GABRB3: variants seen among roughly 807,000 people sequenced by gnomAD.
GABRB3 encodes the protein gamma-aminobutyric acid type A receptor subunit beta3, also known as gamma-aminobutyric acid receptor subunit beta-3.
Under a neutral mutation model 52.1 loss-of-function variants are expected in GABRB3, and 14 were observed. That is an observed-to-expected ratio of 0.27 (90% CI 0.18 to 0.42). The LOEUF (loss-of-function observed/expected upper bound fraction) is 0.42, where lower values mean the gene tolerates loss of function less well. Ranked by LOEUF, GABRB3 falls within the 10% of genes least tolerant of loss-of-function variation. The pLI is 1.00. For synonymous variants in GABRB3, 260 were observed against 232.3 expected (o/e 1.12, Z -1.08); for missense variants, 307 against 609.1 (o/e 0.50, Z 5.22).
intron 3 of GABRB3, among the ~76,000 whole-genome samples, chr15:26,737,621 G>A (rs563551076): frequency 6.8e-6 from 1 of 147,364 alleles, no homozygotes; most frequent in African/African-American, 2.7e-5. Context: ...ACTACAATGT[G>A]TGTGTGTGTG....
At chr15:26,664,280 A>G (rs1319414283) in intron 3 of GABRB3, among the ~76,000 whole-genome samples, 3 of 152,136 alleles carry the variant, frequency 2.0e-5, no homozygotes, top group African/African-American at 7.2e-5. Context: ...TTCACTGAAC[A>G]CTACATCAGA....
intron 4 of GABRB3, among the ~76,000 whole-genome samples, chr15:26,588,238 G>A: frequency 6.6e-6 from 1 of 152,136 alleles, no homozygotes. Context: ...TAGAGAACTG[G>A]ACAACGTTAC....
At chr15:26,714,109 G>GT (rs1441727779) in intron 3 of GABRB3, among the ~76,000 whole-genome samples, 1 of 152,236 alleles carries the variant, frequency 6.6e-6, no homozygotes, top group Admixed American at 6.5e-5. Flanking sequence ...GCCGAGGAAG[G>GT]TGTGCAGAAT....
chr15:26,638,369 G>C (rs1016183202), intron 3 of GABRB3, among the ~76,000 whole-genome samples: 6 of 152,248 alleles, frequency 3.9e-5, no homozygotes, highest in African/African-American at 1.2e-4. Context: ...CTCTGCTCAG[G>C]GCTCCCAGGA....
At chr15:26,765,637 G>A (rs1890976469) in intron 3 of GABRB3, among the ~76,000 whole-genome samples, 1 of 151,952 alleles carries the variant, frequency 6.6e-6, no homozygotes, top group South Asian at 2.1e-4. Context: ...TTGAATATTG[G>A]ATCCTATGCA....
chr15:26,568,252 G>A (rs112281724), intron 6 of GABRB3, among the ~76,000 whole-genome samples: 24 of 152,094 alleles, frequency 1.6e-4, no homozygotes, highest in African/African-American at 4.1e-4. Context: ...GTCCAGTCCC[G>A]GAGAAAGCAG....
Position 26,773,050 on chromosome 15 carries a change from GCCGC to G in GABRB3, c.-92_-89del. The stretch of plus-strand genomic sequence containing the variant: ...GGCTGCTCCTGCTGCTGCCGCCGCC[GCCGC>G]CGCCGCCGCGCTGGCCCGGAGCGGA... On this transcript the variant is annotated 5_prime_UTR_variant, in exon 1 of 9. Transcript: ENST00000311550. The G allele has an allele frequency of 9.3e-7, 1 of 1,073,992 alleles. No homozygotes were observed. The highest frequency in any genetic ancestry group is 1.1e-6 in the Non-Finnish European group (1 of 887,954). The allele number at this position is 1,073,992 out of a possible 1,614,324, so 66.5% of individuals were successfully genotyped here.
upstream of GABRB3, among the ~76,000 whole-genome samples, chr15:26,773,333 C>T (rs1891214228): frequency 6.6e-6 from 1 of 150,676 alleles, no homozygotes; most frequent in Admixed American, 6.6e-5. Flanking sequence ...GCGGGGGCGA[C>T]CTGGGCCGGA....
At chr15:26,731,229 C>T (rs1889903187) in intron 3 of GABRB3, among the ~76,000 whole-genome samples, 1 of 152,294 alleles carries the variant, frequency 6.6e-6, no homozygotes, top group African/African-American at 2.4e-5. Context: ...AATCACCAAA[C>T]AACAGTATAA....
chr15:26,757,975 C>T (rs190693112), intron 3 of GABRB3, among the ~76,000 whole-genome samples: 3 of 152,100 alleles, frequency 2.0e-5, no homozygotes, highest in Admixed American at 6.5e-5. Flanking sequence ...ACCATCTCAA[C>T]GGGCTCCACT....
chr15:26,629,209 T>C (rs367580870), intron 3 of GABRB3: 4 of 1,441,160 alleles, frequency 2.8e-6, no homozygotes, highest in East Asian at 2.5e-5. Flanking sequence ...GCGGCGGCAA[T>C]CAGGGGCGGG....
intron 3 of GABRB3, among the ~76,000 whole-genome samples, chr15:26,654,779 T>C (rs1489185039): frequency 6.6e-6 from 1 of 151,714 alleles, no homozygotes; most frequent in Non-Finnish European, 1.5e-5. Context: ...GGGAGGGAGG[T>C]TCAATTTCAT....
intron 4 of GABRB3, among the ~76,000 whole-genome samples, chr15:26,590,042 C>T (rs1358244565): frequency 2.0e-5 from 3 of 152,182 alleles, no homozygotes; most frequent in South Asian, 2.1e-4. Context: ...ACGGGGTCAC[C>T]GGTCAAGAGG....
At chr15:26,730,396 C>T (rs1167300941) in intron 3 of GABRB3, among the ~76,000 whole-genome samples, 1 of 121,004 alleles carries the variant, frequency 8.3e-6, no homozygotes, top group Admixed American at 1.1e-4. Context: ...CCAGCCTGGG[C>T]GACAGAGCGA....
Position 26,646,269 on chromosome 15 carries a change from G to A in GABRB3, c.241-24735C>T, listed in dbSNP as rs1893345432. The stretch of plus-strand genomic sequence containing the variant: ...CCCCTAAGCCACTTTCTGGCTCTAT[G>A]GATTTGCCTATTCTGGACATTTCAG... On this transcript the variant is annotated intron_variant, in intron 3 of 8. Transcript: ENST00000311550. Among the ~76,000 whole-genome samples the A allele has an allele frequency of 1.3e-5, 2 of 152,060 alleles. 1 individual carries two copies. The highest frequency in any genetic ancestry group is 4.1e-4 in the South Asian group (2 of 4,824).
At chr15:26,620,506 A>G (rs1454338634) in intron 4 of GABRB3, among the ~76,000 whole-genome samples, 1 of 152,358 alleles carries the variant, frequency 6.6e-6, no homozygotes, top group Non-Finnish European at 1.5e-5. Context: ...CTCAACACTG[A>G]GAGCCACTGC....
rs1293440696 is a variant in GABRB3 at position 26,548,085 on chromosome 15, T to G, written c.1130A>C (p.Glu377Ala). 2 of 1,614,228 alleles carry G rather than the reference T, an allele frequency of 1.2e-6. No individual in the cohort carries two copies. The highest frequency in any genetic ancestry group is 2.2e-5 in the South Asian group (2 of 91,080). ...AATGCCGCCTGAGACCTCATTCATT[T>G]CATTGTGAACTTCCAGCGATGTCAA... The part of the protein sequence containing the change: ...ILLTSLEVHN[E>A]MNEVSGGIGD... The change falls in exon 9 of 9, where the codon GAA (glutamate) becomes GCA (alanine). Residue 377 changes from glutamate to alanine, a missense_variant. Glu to Ala is a moderately radical substitution (Grantham distance 107, BLOSUM62 -1). Around this residue, in one of 6 missense-constraint regions of GABRB3, gnomAD observed 115 missense variants for 166.9 expected, o/e 0.69. Transcript: ENST00000311550.
At chr15:26,716,628 C>G in intron 3 of GABRB3, 1 of 1,001,086 alleles carries the variant, frequency 1.0e-6, no homozygotes, top group South Asian at 4.2e-5. Flanking sequence ...CCTTAGAGGC[C>G]TCTTGTGGGT....
intron 6 of GABRB3, among the ~76,000 whole-genome samples, chr15:26,570,817 A>T (rs1890366298): frequency 6.6e-6 from 1 of 151,602 alleles, no homozygotes; most frequent in African/African-American, 2.4e-5. Flanking sequence ...TTTTTTTCTC[A>T]TTCATATTAT....
Sources: allele counts gnomAD v4.1 joint callset (sites outside exome capture counted in the v4.1 genomes callset), GRCh38; gene constraint gnomAD v4.1.1; regional missense constraint gnomAD v4.1.1; transcripts MANE v1.5; gene names NCBI Gene and HGNC (gene_info 2026-07-23, HGNC 2026-07-21).